Variants in UNC79 observed in about 807,000 individuals in gnomAD.
The protein encoded by UNC79 is protein unc-79 homolog.
Under a neutral mutation model 283.1 loss-of-function variants are expected in UNC79, and 37 were observed. That is an observed-to-expected ratio of 0.13 (90% CI 0.10 to 0.17). The LOEUF (loss-of-function observed/expected upper bound fraction) is 0.17, where lower values mean the gene tolerates loss of function less well. Ranked by LOEUF, UNC79 falls within the 10% of genes least tolerant of loss-of-function variation. The probability of loss-of-function intolerance (pLI) is 1.00; values close to 1 mark genes in which losing one functional copy is unlikely to be tolerated. For missense variants in UNC79, 2,272 were observed against 3,211.1 expected, an observed-to-expected ratio of 0.71 and a Z score of 7.07; for synonymous variants, 1,107 against 1,200.2, an observed-to-expected ratio of 0.92 and a Z score of 1.61.
chr14:93,587,045 TTTTA>T (rs2064271775), intron 22 of UNC79, 137 bp downstream of exon 22: 2 of 1,037,634 alleles, frequency 1.9e-6, no homozygotes, highest in Admixed American at 5.9e-5. Context: ...TGATAACTAC[TTTTA>T]TTTTTCTTTT....
chr14:93,634,399 C>A (rs2068328168), intron 31 of UNC79, 122 bp from the exon 34 acceptor site: 2 of 737,126 alleles, frequency 2.7e-6, no homozygotes. Context: ...CAGAAGCATA[C>A]AATTTACCAA....
chr14:93,477,465 T>G, intron 3 of UNC79, 93 bp from the exon 4 acceptor site: 1 of 1,102,120 alleles, frequency 9.1e-7, no homozygotes, highest in Non-Finnish European at 1.3e-6. Context: ...TGCTTATAAC[T>G]TAAACCAGTT....
chr14:93,659,815 A>G (rs979086643), intron 39 of UNC79, among the ~76,000 whole-genome samples: 1 of 152,194 alleles, frequency 6.6e-6, no homozygotes, highest in African/African-American at 2.4e-5. Flanking sequence ...ATTTAATTTC[A>G]TACTTCCTTG....
chr14:93,688,843 A>G lies in UNC79; in HGVS notation c.7085+3A>G. 1 of 1,612,962 alleles carries G rather than the reference A, an allele frequency of 6.2e-7. No homozygotes were observed. Among genetic ancestry groups the G allele is most frequent in the Non-Finnish European group, 8.5e-7 (1 of 1,179,496 alleles). Reference sequence around the variant, plus strand: ...CCCCCCTCTGCAATGCAGCAAGGGTAAGACCCTTACTATTCCGGGAATGAG... The same window carrying G: ...CCCCCCTCTGCAATGCAGCAAGGGTGAGACCCTTACTATTCCGGGAATGAG... On this transcript the variant is annotated splice_donor_region_variant and intron_variant, in intron 44 of 48. Coordinates refer to ENST00000555664, the Ensembl canonical transcript of UNC79. The surrounding 1 kb of genome is among the most constrained non-coding windows in gnomAD (Gnocchi z 4.0).
intron 1 of UNC79, among the ~76,000 whole-genome samples, chr14:93,334,183 T>C (rs1566874238): frequency 6.6e-6 from 1 of 152,252 alleles, no homozygotes; most frequent in African/African-American, 2.4e-5. Flanking sequence ...TCATATTCAG[T>C]TGGAGACAAT....
intron 3 of UNC79, among the ~76,000 whole-genome samples, chr14:93,476,977 C>A (rs1473815572): frequency 1.3e-5 from 2 of 152,128 alleles, no homozygotes; most frequent in Non-Finnish European, 1.5e-5. Context: ...TTGTTATGAT[C>A]CCTGTTTAAA....
At chr14:93,383,268 C>T (rs2054701952) in intron 1 of UNC79, among the ~76,000 whole-genome samples, 1 of 152,130 alleles carries the variant, frequency 6.6e-6, no homozygotes, top group African/African-American at 2.4e-5. Flanking sequence ...TTTCTTTCTT[C>T]AGAAGAAGAT....
intron 14 of UNC79, among the ~76,000 whole-genome samples, chr14:93,553,509 A>G (rs1567101387): frequency 6.6e-6 from 1 of 152,174 alleles, no homozygotes; most frequent in East Asian, 1.9e-4. Context: ...CTGATTATAA[A>G]TCTTCTTTTG....
intron 1 of UNC79, among the ~76,000 whole-genome samples, chr14:93,417,079 T>G (rs1467842061): frequency 3.9e-5 from 6 of 152,180 alleles, no homozygotes; most frequent in African/African-American, 7.2e-5. Context: ...GTTAGCTGGT[T>G]ATTTTGCTCG....
At chr14:93,704,715 G>A (rs566719374) in intron 48 of UNC79, 49 bp downstream of exon 51, 137 of 1,595,398 alleles carry the variant, frequency 8.6e-5, no homozygotes, top group Admixed American at 2.2e-4. Flanking sequence ...TGCAGAGAAC[G>A]TATAACGTTC....
intron 7 of UNC79, among the ~76,000 whole-genome samples, chr14:93,519,769 C>G (rs972991945): frequency 1.3e-5 from 2 of 151,724 alleles, no homozygotes; most frequent in Admixed American, 6.6e-5. Flanking sequence ...TCACAGTCTA[C>G]CTCAAATTAT....
At chr14:93,418,436 G>A (rs927552806) in intron 1 of UNC79, among the ~76,000 whole-genome samples, 11 of 151,866 alleles carry the variant, frequency 7.2e-5, no homozygotes, top group African/African-American at 2.2e-4. Flanking sequence ...CCTACTGGGG[G>A]GTGCCTCCCA....
chr14:93,347,127 G>A (rs1471885046), intron 1 of UNC79: 1 of 880,692 alleles, frequency 1.1e-6, no homozygotes, highest in Middle Eastern at 2.4e-4. Context: ...CAGAAGGGGT[G>A]GGGTAGGGGG....
intron 7 of UNC79, among the ~76,000 whole-genome samples, chr14:93,501,627 G>A (rs1288856747): frequency 6.6e-6 from 1 of 151,960 alleles, no homozygotes; most frequent in Non-Finnish European, 1.5e-5. Flanking sequence ...GGCGGAGGTT[G>A]CAGTGAGCTG....
At chr14:93,530,778 G>A (rs900776333) in intron 10 of UNC79, among the ~76,000 whole-genome samples, 3 of 151,502 alleles carry the variant, frequency 2.0e-5, no homozygotes, top group Non-Finnish European at 4.4e-5. Context: ...GCGTGGCGGC[G>A]GGCACCTGTA....
At chr14:93,545,598 C>T (rs2061559049) in intron 14 of UNC79, among the ~76,000 whole-genome samples, 1 of 152,148 alleles carries the variant, frequency 6.6e-6, no homozygotes, top group African/African-American at 2.4e-5. Context: ...ATCTGTTTTT[C>T]CAAGAGGGCT....
chr14:93,463,573 C>T (rs183228079), intron 1 of UNC79, among the ~76,000 whole-genome samples: 1 of 152,182 alleles, frequency 6.6e-6, no homozygotes, highest in East Asian at 1.9e-4. Context: ...GGATGGAGAG[C>T]CCCAGTGAAT....
At chr14:93,348,860 CAAAG>C (rs935259591) in intron 1 of UNC79, among the ~76,000 whole-genome samples, 5 of 152,126 alleles carry the variant, frequency 3.3e-5, no homozygotes, top group African/African-American at 1.2e-4. Context: ...AAACATTGAA[CAAAG>C]AAAGATAAAG....
intron 41 of UNC79, among the ~76,000 whole-genome samples, chr14:93,679,000 C>T (rs1439215714): frequency 6.6e-6 from 1 of 152,050 alleles, no homozygotes; most frequent in Non-Finnish European, 1.5e-5. Flanking sequence ...CTTTTTGTTT[C>T]CAATATTTTC....
Sources: gnomAD v4.1 joint callset for allele counts (sites outside exome capture counted in the v4.1 genomes callset) on GRCh38, gnomAD v4.1.1 for gene constraint, Gnocchi (gnomAD v3.1) non-coding constraint, MANE v1.5 for transcripts, NCBI Gene and HGNC (gene_info 2026-07-23, HGNC 2026-07-21) for gene names.